The following PDE7B variants were observed in gnomAD, a reference collection of about 807,000 sequenced individuals.
The protein encoded by PDE7B is phosphodiesterase 7B, also known as 3',5'-cyclic-AMP phosphodiesterase 7B.
PDE7B carries 29 observed loss-of-function variants against 56.2 expected under a neutral mutation model. The ratio of observed to expected loss-of-function variants is 0.52; its 90% CI spans 0.38 to 0.70. The LOEUF is 0.70. Ranked by LOEUF, PDE7B falls within the 30% of genes least tolerant of loss-of-function variation. The probability of loss-of-function intolerance (pLI) is 0.00; values close to 1 mark genes in which losing one functional copy is unlikely to be tolerated. For synonymous variants in PDE7B, 197 were observed against 196.9 expected (o/e 1.00, Z 0.00); for missense variants, 490 against 565.0 (o/e 0.87, Z 1.35).
chr6:136,135,756 G>A (rs545152755), intron 3 of PDE7B, among the ~76,000 whole-genome samples: 3 of 152,190 alleles, frequency 2.0e-5, no homozygotes, highest in East Asian at 1.9e-4. Flanking sequence ...CTGTGAAAGG[G>A]ATGATTTGAA....
intron 2 of PDE7B, among the ~76,000 whole-genome samples, chr6:136,016,227 G>C (rs1004766740): frequency 6.6e-6 from 1 of 152,164 alleles, no homozygotes; most frequent in Non-Finnish European, 1.5e-5. Flanking sequence ...CTATTTCGAA[G>C]CATTGCTGAG....
intron 2 of PDE7B, among the ~76,000 whole-genome samples, chr6:136,039,407 C>G (rs1371221035): frequency 2.0e-5 from 3 of 152,152 alleles, no homozygotes; most frequent in African/African-American, 7.2e-5. Flanking sequence ...GAAGTCTTGG[C>G]TAGGCCTATG....
At chr6:135,946,083 ATAAAT>A (rs1005546281) in intron 1 of PDE7B, among the ~76,000 whole-genome samples, 9 of 152,032 alleles carry the variant, frequency 5.9e-5, no homozygotes, top group Non-Finnish European at 8.8e-5. Flanking sequence ...TGCTTTTTCT[ATAAAT>A]TAATGTATCC....
At chr6:136,173,544 C>T (rs944973982) in intron 8 of PDE7B, among the ~76,000 whole-genome samples, 1 of 152,182 alleles carries the variant, frequency 6.6e-6, no homozygotes, top group African/African-American at 2.4e-5. Flanking sequence ...GTGAATGATG[C>T]TGGAAATAGA....
intron 1 of PDE7B, among the ~76,000 whole-genome samples, chr6:135,882,554 T>A (rs535346843): frequency 1.3e-5 from 2 of 152,302 alleles, no homozygotes; most frequent in East Asian, 3.9e-4. Context: ...ATTCAATAAA[T>A]ACATACACTT....
chr6:135,970,169 T>C (rs1484256066), intron 2 of PDE7B, among the ~76,000 whole-genome samples: 2 of 152,122 alleles, frequency 1.3e-5, no homozygotes, highest in African/African-American at 2.4e-5. Context: ...TTACACTTCA[T>C]TGGTAGAGAT....
chr6:136,138,535 C>A (rs148488718), intron 3 of PDE7B, among the ~76,000 whole-genome samples: 2 of 151,994 alleles, frequency 1.3e-5, no homozygotes, highest in South Asian at 4.1e-4. Flanking sequence ...GATTGTTGCA[C>A]GTTCTTCCCC....
chr6:136,173,510 A>G (rs17065317), intron 8 of PDE7B, among the ~76,000 whole-genome samples: 5,764 of 152,260 alleles, frequency 0.038, 340 homozygotes, highest in African/African-American at 0.13. Flanking sequence ...TGACTGAGCT[A>G]TTGGAAGAGG....
intron 1 of PDE7B, among the ~76,000 whole-genome samples, chr6:135,867,488 C>T (rs763385271): frequency 5.3e-5 from 8 of 151,818 alleles, no homozygotes; most frequent in South Asian, 4.2e-4. Context: ...TGTAGGGAAA[C>T]GTGTGTCATG....
At chr6:136,075,275 T>G (rs946945351) in intron 2 of PDE7B, among the ~76,000 whole-genome samples, 3 of 152,170 alleles carry the variant, frequency 2.0e-5, no homozygotes, top group Admixed American at 6.5e-5. Context: ...CTCTGACAGC[T>G]CTAATACTAT....
At chr6:136,172,464 C>T (rs534429722) in intron 8 of PDE7B, among the ~76,000 whole-genome samples, 25 of 152,228 alleles carry the variant, frequency 1.6e-4, no homozygotes, top group East Asian at 1.2e-3. Flanking sequence ...TCATGTCCTT[C>T]GCCCACTTTT....
intron 1 of PDE7B, among the ~76,000 whole-genome samples, chr6:135,939,375 G>T (rs550290405): frequency 1.8e-4 from 27 of 152,266 alleles, no homozygotes; most frequent in Admixed American, 7.8e-4. Context: ...TGAAAGCAGT[G>T]CCAGGTTGTT....
At chr6:136,116,126 G>A (rs907369449) in intron 3 of PDE7B, among the ~76,000 whole-genome samples, 2 of 152,234 alleles carry the variant, frequency 1.3e-5, no homozygotes, top group African/African-American at 2.4e-5. Flanking sequence ...AGAAGGCAGA[G>A]ATTACTGAAG....
At chr6:136,066,266 G>C (rs1320473657) in intron 2 of PDE7B, among the ~76,000 whole-genome samples, 3 of 152,168 alleles carry the variant, frequency 2.0e-5, no homozygotes, top group Non-Finnish European at 4.4e-5. Flanking sequence ...ATAACCCTTA[G>C]AGCAGATGTG....
intron 2 of PDE7B, among the ~76,000 whole-genome samples, chr6:135,949,111 T>C (rs773494088): frequency 6.6e-6 from 1 of 152,036 alleles, no homozygotes; most frequent in Admixed American, 6.6e-5. Flanking sequence ...AATAAGGAAA[T>C]TGAGGGAAAT....
chr6:135,957,700 CA>C (rs113325019), intron 2 of PDE7B, among the ~76,000 whole-genome samples: 26 of 152,096 alleles, frequency 1.7e-4, no homozygotes, highest in African/African-American at 5.1e-4. Flanking sequence ...CAAGAAAACA[CA>C]AAAAATAATT....
chr6:136,118,533 T>G (rs1405351239), intron 3 of PDE7B, among the ~76,000 whole-genome samples: 1 of 152,214 alleles, frequency 6.6e-6, no homozygotes, highest in Non-Finnish European at 1.5e-5. Flanking sequence ...CCACTACTAT[T>G]ACAGATGAGG....
chr6:136,128,329 C>T (rs191952712), intron 3 of PDE7B, among the ~76,000 whole-genome samples: 32 of 152,256 alleles, frequency 2.1e-4, no homozygotes, highest in African/African-American at 7.2e-4. Context: ...AAAACAGTTG[C>T]CTCAGCTCAA....
At chr6:136,112,792 T>C (rs1777770313) in intron 3 of PDE7B, among the ~76,000 whole-genome samples, 1 of 152,152 alleles carries the variant, frequency 6.6e-6, no homozygotes, top group Non-Finnish European at 1.5e-5. Context: ...CTGGAAGAGA[T>C]TATTTTTGCG....
Sources: allele counts gnomAD v4.1 joint callset (sites outside exome capture counted in the v4.1 genomes callset), GRCh38; gene constraint gnomAD v4.1.1; transcripts MANE v1.5; gene names NCBI Gene and HGNC (gene_info 2026-07-23, HGNC 2026-07-21).